The following ZHX2 variants were observed in gnomAD, a reference collection of about 807,000 sequenced individuals.
ZHX2 encodes the protein zinc fingers and homeoboxes 2.
Under a neutral mutation model 21.9 loss-of-function variants are expected in ZHX2, and 6 were observed. The observed-to-expected ratio is 0.27, with a 90% CI of 0.15 to 0.54. The LOEUF is 0.54. Ranked by LOEUF, ZHX2 falls within the 20% of genes least tolerant of loss-of-function variation. The pLI is 0.95. For missense variants in ZHX2, 908 were observed against 1,090.7 expected, an observed-to-expected ratio of 0.83 and a Z score of 2.36; for synonymous variants, 434 against 437.1, an observed-to-expected ratio of 0.99 and a Z score of 0.09.
chr8:122,880,934 C>T (rs920962055), intron 2 of ZHX2, among the ~76,000 whole-genome samples: 1 of 152,122 alleles, frequency 6.6e-6, no homozygotes, highest in African/African-American at 2.4e-5. Flanking sequence ...AGTTAGAGAA[C>T]CCTGATTTCA....
At chr8:122,867,501 G>A (rs1376164161) in intron 2 of ZHX2, among the ~76,000 whole-genome samples, 1 of 152,220 alleles carries the variant, frequency 6.6e-6, no homozygotes, top group Non-Finnish European at 1.5e-5. Context: ...AACAGAAGCA[G>A]TGTGTTTTTT....
intron 1 of ZHX2, among the ~76,000 whole-genome samples, chr8:122,792,159 C>T (rs1343469715): frequency 1.3e-5 from 2 of 152,172 alleles, no homozygotes; most frequent in East Asian, 1.9e-4. Context: ...CCACCTTAGC[C>T]CAAGCCCTAC....
chr8:122,949,283 G>A (rs965735678), intron 2 of ZHX2, among the ~76,000 whole-genome samples: 18 of 151,974 alleles, frequency 1.2e-4, no homozygotes, highest in African/African-American at 3.6e-4. Context: ...AGACCGCGCC[G>A]TTATACTCCA....
At chr8:122,827,301 G>T (rs1199855063) in intron 1 of ZHX2, among the ~76,000 whole-genome samples, 1 of 152,194 alleles carries the variant, frequency 6.6e-6, no homozygotes, top group East Asian at 1.9e-4. Context: ...GCTTCCCAAA[G>T]TGCTGGGATT....
At chr8:122,891,075 A>G (rs1213354754) in intron 2 of ZHX2, among the ~76,000 whole-genome samples, 1 of 152,058 alleles carries the variant, frequency 6.6e-6, no homozygotes, top group African/African-American at 2.4e-5. Context: ...AGTTTAGAAG[A>G]ATTCTCTCTG....
intron 3 of ZHX2, among the ~76,000 whole-genome samples, chr8:122,969,628 GT>G (rs974846534): frequency 6.6e-6 from 1 of 152,118 alleles, no homozygotes; most frequent in Non-Finnish European, 1.5e-5. Context: ...AAACTGACAG[GT>G]TTGTCCGTAT....
intron 2 of ZHX2, among the ~76,000 whole-genome samples, chr8:122,901,395 G>A (rs754819255): frequency 2.6e-5 from 4 of 152,176 alleles, no homozygotes; most frequent in Non-Finnish European, 5.9e-5. Flanking sequence ...GTTTTGAGGT[G>A]AGGCCCAGAA....
chr8:122,793,820 ACTGCTTG>A (rs1817568576), intron 1 of ZHX2, among the ~76,000 whole-genome samples: 1 of 152,140 alleles, frequency 6.6e-6, no homozygotes, highest in Non-Finnish European at 1.5e-5. Flanking sequence ...TCTGGGAAAG[ACTGCTTG>A]CTGGCAGGGC....
At chr8:122,836,271 C>T (rs573849254) in intron 1 of ZHX2, among the ~76,000 whole-genome samples, 1 of 151,128 alleles carries the variant, frequency 6.6e-6, no homozygotes, top group Non-Finnish European at 1.5e-5. Context: ...TGGATTTTCC[C>T]CTGTTAACAG....
At chr8:122,880,487 A>G (rs1208006417) in intron 2 of ZHX2, among the ~76,000 whole-genome samples, 2 of 150,506 alleles carry the variant, frequency 1.3e-5, no homozygotes, top group African/African-American at 4.9e-5. Context: ...AGAGATGCTC[A>G]TGAGGGGCTG....
rs1817759680 is a variant in ZHX2, at chr8:122,803,550, A to G, written c.-283+21604A>G. Among the ~76,000 whole-genome samples, 6 of 152,192 alleles carry G rather than the reference A, an allele frequency of 3.9e-5. No individual in the cohort carries two copies. The South Asian group carries it at 1.2e-3, about 32-fold the overall frequency. On this transcript the variant is annotated intron_variant, in intron 1 of 3. Transcript: ENST00000314393. The stretch of plus-strand genomic sequence containing the variant: ...GGCATCCCTGGCCTCTGCCAACTCC[A>G]TGCCAGCAGCACCTCTCCTCCAGCT...
intron 2 of ZHX2, 109 bp from the exon 3 acceptor site, chr8:122,951,183 G>A (rs1266094884): frequency 2.2e-5 from 6 of 271,706 alleles, no homozygotes; most frequent in Non-Finnish European, 4.2e-5. Flanking sequence ...ATCCATAGAT[G>A]TTCGATTTGG....
chr8:122,807,635 G>A (rs1037358867), intron 1 of ZHX2: 1 of 152,250 alleles, frequency 6.6e-6, no homozygotes, highest in Non-Finnish European at 1.5e-5. Context: ...AAGGGCTTAG[G>A]ACTGACCAAG....
chr8:122,956,020 T>C (rs974944045), intron 3 of ZHX2, among the ~76,000 whole-genome samples: 1 of 152,060 alleles, frequency 6.6e-6, no homozygotes, highest in Admixed American at 6.5e-5. Context: ...AATTTTCATA[T>C]TTTTAGTAGA....
intron 1 of ZHX2, among the ~76,000 whole-genome samples, chr8:122,856,028 T>G (rs1819015233): frequency 6.6e-6 from 1 of 152,152 alleles, no homozygotes; most frequent in Non-Finnish European, 1.5e-5. Context: ...TGGGGGGAAA[T>G]GAAACAGTTT....
chr8:122,854,067 G>A (rs111789993), intron 1 of ZHX2, among the ~76,000 whole-genome samples: 16 of 152,238 alleles, frequency 1.1e-4, no homozygotes, highest in East Asian at 3.9e-4. Context: ...CGAGCCTCCC[G>A]GGCCCCTGAG....
intron 2 of ZHX2, among the ~76,000 whole-genome samples, chr8:122,889,369 C>T (rs1282779390): frequency 6.6e-6 from 1 of 152,188 alleles, no homozygotes; most frequent in African/African-American, 2.4e-5. Flanking sequence ...TCCCATTTCC[C>T]TGCATCCTCA....
At chr8:122,886,772 C>T (rs73711233) in intron 2 of ZHX2, among the ~76,000 whole-genome samples, 3,591 of 152,164 alleles carry the variant, frequency 0.024, 93 homozygotes, top group African/African-American at 0.067. Flanking sequence ...GAAATTATTG[C>T]TGGAGAGGAT....
chr8:122,871,256 T>C (rs1490566692), intron 2 of ZHX2, among the ~76,000 whole-genome samples: 1 of 152,102 alleles, frequency 6.6e-6, no homozygotes, highest in African/African-American at 2.4e-5. Flanking sequence ...TTAAGAACTA[T>C]GTCTGGTACT....
Sources: allele counts gnomAD v4.1 joint callset (sites outside exome capture counted in the v4.1 genomes callset), GRCh38; gene constraint gnomAD v4.1.1; transcripts MANE v1.5; gene names NCBI Gene and HGNC (gene_info 2026-07-23, HGNC 2026-07-21).